Variants in NCALD observed in about 807,000 individuals in gnomAD.
NCALD encodes the protein neurocalcin delta.
Under a neutral mutation model 18.6 loss-of-function variants are expected in NCALD, and 10 were observed. The ratio of observed to expected loss-of-function variants is 0.54; its 90% CI spans 0.33 to 0.91. The LOEUF is 0.91. NCALD is among the 40% of genes least tolerant of loss of function. NCALD has a pLI of 0.03. For synonymous variants in NCALD, 88 were observed against 87.4 expected (o/e 1.01, Z -0.04); for missense variants, 184 against 247.6 (o/e 0.74, Z 1.72).
At chr8:101,858,441 A>G (rs983936728) in intron 4 of NCALD, among the ~76,000 whole-genome samples, 2 of 152,154 alleles carry the variant, frequency 1.3e-5, no homozygotes, top group Non-Finnish European at 2.9e-5. Flanking sequence ...TTTTGTTCCA[A>G]CACACTCTTC....
At chr8:101,750,767 G>A (rs1309144620) in intron 1 of NCALD, 1 of 152,166 alleles carries the variant, frequency 6.6e-6, no homozygotes, top group Non-Finnish European at 1.5e-5. Flanking sequence ...GAATGTCCGG[G>A]GGAAGTGAGA....
chr8:101,940,905 T>C lies in NCALD; in HGVS notation c.-156-25047A>G, dbSNP rs1222513616. On this transcript the variant is annotated intron_variant, in intron 2 of 6. Transcript: ENST00000311028. ...GCTTCCAAACAGGACCTTGAGTTGA[T>C]AGAACCCACCGTCAAAGCTATAAAA... 2.0e-5 allele frequency among the ~76,000 whole-genome samples: 3 copies of C among 152,186 alleles called. No individual in the cohort carries two copies. The East Asian group carries it at 5.8e-4, about 29-fold the overall frequency.
chr8:101,698,287 C>T (rs1248086973), intron 2 of NCALD, among the ~76,000 whole-genome samples: 1 of 152,116 alleles, frequency 6.6e-6, no homozygotes, highest in Non-Finnish European at 1.5e-5. Flanking sequence ...TAAGAGAGAA[C>T]ATAAACAAAT....
chr8:101,894,740 C>T (rs568543360), intron 3 of NCALD, among the ~76,000 whole-genome samples: 16 of 151,458 alleles, frequency 1.1e-4, no homozygotes, highest in East Asian at 3.9e-4. Flanking sequence ...AACACCTCTA[C>T]GGAAATAAAC....
chr8:101,936,144 A>G (rs1277713332), intron 2 of NCALD, among the ~76,000 whole-genome samples: 2 of 152,158 alleles, frequency 1.3e-5, no homozygotes, highest in Non-Finnish European at 2.9e-5. Context: ...TTGGTAGAGA[A>G]GAAGGGTGCA....
At chr8:101,966,770 C>T (rs531676077) in intron 2 of NCALD, among the ~76,000 whole-genome samples, 31 of 152,150 alleles carry the variant, frequency 2.0e-4, no homozygotes, top group African/African-American at 7.0e-4. Context: ...AAAGAATAAT[C>T]AGAGAAGATC....
intron 1 of NCALD, among the ~76,000 whole-genome samples, chr8:101,780,833 G>A (rs903963046): frequency 1.5e-4 from 23 of 152,132 alleles, no homozygotes; most frequent in African/African-American, 5.6e-4. Context: ...CAAAATCAGT[G>A]TCTTTTAGTT....
intron 1 of NCALD, among the ~76,000 whole-genome samples, chr8:101,733,230 A>C (rs1586340518): frequency 1.3e-5 from 2 of 152,228 alleles, no homozygotes; most frequent in Non-Finnish European, 2.9e-5. Context: ...CATATGTACA[A>C]GTGAGAATCC....
intron 2 of NCALD, among the ~76,000 whole-genome samples, chr8:101,696,657 G>A (rs1815007604): frequency 6.6e-6 from 1 of 152,180 alleles, no homozygotes; most frequent in South Asian, 2.1e-4. Flanking sequence ...AAAGATGGAA[G>A]TGACATTAAA....
intron 1 of NCALD, among the ~76,000 whole-genome samples, chr8:102,066,987 G>C (rs971223385): frequency 2.0e-5 from 3 of 152,162 alleles, no homozygotes; most frequent in African/African-American, 7.2e-5. Flanking sequence ...AATTCTAACA[G>C]AGATATTGGG....
chr8:101,758,579 T>C (rs1353476858), intron 1 of NCALD, among the ~76,000 whole-genome samples: 2 of 152,224 alleles, frequency 1.3e-5, no homozygotes, highest in African/African-American at 4.8e-5. Context: ...CCTATATGTC[T>C]GTCATCAAAG....
intron 4 of NCALD, among the ~76,000 whole-genome samples, chr8:101,864,465 GGAGA>G (rs950921065): frequency 6.6e-6 from 1 of 152,076 alleles, no homozygotes; most frequent in Non-Finnish European, 1.5e-5. Context: ...AGAGAGATCT[GGAGA>G]GAGAGAGGTG....
intron 1 of NCALD, among the ~76,000 whole-genome samples, chr8:101,786,225 T>G (rs1812221452): frequency 6.6e-6 from 1 of 152,194 alleles, no homozygotes; most frequent in South Asian, 2.1e-4. Flanking sequence ...ATTTGCTGAA[T>G]GCATGAAAGA....
chr8:102,004,383 T>C (rs983196958), intron 2 of NCALD, among the ~76,000 whole-genome samples: 1 of 151,636 alleles, frequency 6.6e-6, no homozygotes, highest in African/African-American at 2.4e-5. Flanking sequence ...TAAAAGAGGA[T>C]ACAAACAAAT....
At chr8:102,011,658 C>A (rs1001319772) in intron 2 of NCALD, among the ~76,000 whole-genome samples, 2 of 152,064 alleles carry the variant, frequency 1.3e-5, no homozygotes, top group Non-Finnish European at 2.9e-5. Flanking sequence ...TGTGCTATTC[C>A]AAAATAATTC....
intron 1 of NCALD, among the ~76,000 whole-genome samples, chr8:101,781,088 G>A (rs1489996877): frequency 6.6e-6 from 1 of 152,108 alleles, no homozygotes; most frequent in African/African-American, 2.4e-5. Flanking sequence ...CAGATCTAAT[G>A]ACAATTTCTT....
intron 2 of NCALD, among the ~76,000 whole-genome samples, chr8:102,018,616 C>T (rs1301898357): frequency 6.6e-6 from 1 of 152,152 alleles, no homozygotes; most frequent in Non-Finnish European, 1.5e-5. Context: ...TAAAGGTGCA[C>T]ACTTTCAAGT....
rs915317876 is a variant in NCALD, at chr8:102,097,367, G to T, written c.-210+26870C>A. On this transcript the variant is annotated intron_variant, in intron 1 of 6. Coordinates refer to the NCALD transcript ENST00000311028. ...TTTCATGCATCTGCACAACAAGCCT[G>T]TGAGCCAGGGTCCTTACTCACAACC... Among the ~76,000 whole-genome samples the T allele has an allele frequency of 1.2e-4, 18 of 152,316 alleles. No homozygotes were observed. In the East Asian group the frequency reaches 2.1e-3, roughly 18 times the overall value.
chr8:101,710,950 C>A (rs934119821), intron 2 of NCALD, among the ~76,000 whole-genome samples: 1 of 152,218 alleles, frequency 6.6e-6, no homozygotes. Flanking sequence ...GGGTCCCTGA[C>A]CCCCGAGGCT....
Sources: allele counts gnomAD v4.1 joint callset (sites outside exome capture counted in the v4.1 genomes callset), GRCh38; gene constraint gnomAD v4.1.1; transcripts MANE v1.5; gene names NCBI Gene and HGNC (gene_info 2026-07-23, HGNC 2026-07-21).